Variants in IFT43 observed in about 807,000 individuals in gnomAD.
IFT43 encodes the protein intraflagellar transport protein 43 homolog.
In IFT43, 33 loss-of-function variants were observed where a neutral mutation model predicts 32.3. The ratio of observed to expected loss-of-function variants is 1.02; its 90% CI spans 0.77 to 1.37. The LOEUF (loss-of-function observed/expected upper bound fraction) is 1.37, where lower values mean the gene tolerates loss of function less well. Among genes scored for constraint, IFT43 ranks in the 40% most tolerant of loss-of-function variants. The pLI, the probability that IFT43 is intolerant of heterozygous loss-of-function variation, is 0.00. For missense variants in IFT43, 274 were observed against 265.9 expected (o/e 1.03, Z -0.21); for synonymous variants, 93 against 98.2 (o/e 0.95, Z 0.31).
At chr14:76,068,989 A>G (rs115841572) in intron 5 of IFT43, among the ~76,000 whole-genome samples, 1,530 of 152,332 alleles carry the variant, frequency 0.01, 25 homozygotes, top group African/African-American at 0.034. Flanking sequence ...ACTGCGACTG[A>G]GTCCCCTGAA....
intron 3 of IFT43, among the ~76,000 whole-genome samples, chr14:76,046,620 C>A (rs1395911668): frequency 1.3e-5 from 2 of 152,170 alleles, no homozygotes; most frequent in Admixed American, 6.5e-5. Context: ...ATGGTGGTAG[C>A]AACAGCCACT....
rs2139973446 is a variant in IFT43 at position 76,027,761 on chromosome 14, C to T, written c.215+5367C>T. Among the ~76,000 whole-genome samples the T allele has an allele frequency of 2.0e-5, 3 of 151,328 alleles. No homozygotes were observed. The South Asian group carries it at 6.3e-4, about 32-fold the overall frequency. ...TTCTCTACAGTATCACAGTATCACT[C>T]AGTCACTCATACCTAAGACATTTCA... On this transcript the variant is annotated intron_variant, in intron 3 of 8. Transcript: ENST00000314067.
At chr14:75,992,241 A>G (rs544497705) in intron 2 of IFT43, among the ~76,000 whole-genome samples, 1 of 152,338 alleles carries the variant, frequency 6.6e-6, no homozygotes, top group East Asian at 1.9e-4. Context: ...TAAGTCCACC[A>G]ATCTCTCTAA....
chr14:76,078,121 G>A (rs1199174845), intron 5 of IFT43, among the ~76,000 whole-genome samples: 1 of 152,194 alleles, frequency 6.6e-6, no homozygotes, highest in Non-Finnish European at 1.5e-5. Context: ...GATCCCATCT[G>A]TGAGCATTTT....
intron 3 of IFT43, among the ~76,000 whole-genome samples, chr14:76,057,553 CA>C (rs66748105): frequency 0.84 from 123,209 of 146,384 alleles, 51,581 homozygotes; most frequent in African/African-American, 0.87. Flanking sequence ...TTTTAATTGA[CA>C]AAAAAAAAAA....
Position 76,054,058 on chromosome 14 carries a change from C to T in IFT43, c.216-4584C>T, listed in dbSNP as rs2036964448. On this transcript the variant is annotated intron_variant, in intron 3 of 8. Transcript: ENST00000314067. ...TCAGGAGGAGAAGGCAAATAAGTTT[C>T]AGTTTTGCTGCTTAGCAACTGGAGT... 3.3e-5 allele frequency among the ~76,000 whole-genome samples: 5 copies of T among 152,194 alleles called. No homozygotes were observed. The South Asian group carries it at 1.0e-3, about 32-fold the overall frequency.
At chr14:76,045,898 C>T (rs1409662423) in intron 3 of IFT43, among the ~76,000 whole-genome samples, 2 of 152,144 alleles carry the variant, frequency 1.3e-5, no homozygotes, top group Admixed American at 1.3e-4. Flanking sequence ...GTATTTGAAT[C>T]AAGATGGGAG....
At chr14:76,058,811 T>G (rs781101864) in intron 4 of IFT43, 137 bp downstream of exon 4, 2 of 1,574,200 alleles carry the variant, frequency 1.3e-6, no homozygotes, top group South Asian at 2.3e-5. Flanking sequence ...TGATGCCTGC[T>G]GAATCCAAGG....
At chr14:76,022,255 A>G in intron 2 of IFT43, 72 bp from the exon 3 acceptor site, 1 of 1,396,452 alleles carries the variant, frequency 7.2e-7, no homozygotes, top group Non-Finnish European at 1.0e-6. Context: ...CATCTCAAAA[A>G]ATAGAAAATA....
chr14:76,037,887 T>C (rs1329015143), intron 3 of IFT43, among the ~76,000 whole-genome samples: 1 of 152,222 alleles, frequency 6.6e-6, no homozygotes, highest in Non-Finnish European at 1.5e-5. Context: ...GGGGCATTTC[T>C]TACAGAGCTC....
intron 2 of IFT43, among the ~76,000 whole-genome samples, chr14:76,005,681 G>T (rs2035967908): frequency 6.6e-6 from 1 of 152,214 alleles, no homozygotes; most frequent in African/African-American, 2.4e-5. Flanking sequence ...TAAAATTGCA[G>T]CTTTCTGCTG....
At chr14:76,003,586 C>T (rs755124492) in intron 2 of IFT43, among the ~76,000 whole-genome samples, 4 of 150,986 alleles carry the variant, frequency 2.6e-5, no homozygotes, top group Non-Finnish European at 5.9e-5. Flanking sequence ...GAGCCAAGAT[C>T]GTGCCACTGC....
chr14:76,046,297 G>C (rs188776179), intron 3 of IFT43, among the ~76,000 whole-genome samples: 1 of 152,226 alleles, frequency 6.6e-6, no homozygotes, highest in East Asian at 1.9e-4. Flanking sequence ...CTTTGTGAGC[G>C]GGATAAAATG....
Position 75,985,805 on chromosome 14 carries a change from T to G in IFT43, c.19T>G (p.Leu7Val). The G allele has an allele frequency of 6.2e-7, 1 of 1,614,200 alleles. No individual in the cohort carries two copies. Among genetic ancestry groups the G allele is most frequent in the Non-Finnish European group, 8.5e-7 (1 of 1,180,034 alleles). Residue 7 changes from leucine (L) to valine (V), a missense_variant, in exon 1 of 9, where the codon TTG becomes GTG. Leu to Val is a conservative substitution (Grantham distance 32). Coordinates refer to ENST00000314067, the MANE Select transcript of IFT43 (RefSeq NM_001102564.3). ...CGCGGAGATGGAGGATTTGCTCGACTTGGACGAGGAGCTTCGCTACAGCTT... is the reference window on the plus strand; with the variant it reads ...CGCGGAGATGGAGGATTTGCTCGACGTGGACGAGGAGCTTCGCTACAGCTT... MEDLLD[L>V]DEELRYSLAT...
intron 3 of IFT43, among the ~76,000 whole-genome samples, chr14:76,053,277 G>T (rs1484131660): frequency 2.0e-5 from 3 of 152,092 alleles, no homozygotes; most frequent in Admixed American, 6.6e-5. Context: ...CAGGTTTGTG[G>T]GGGAAGGGAC....
intron 2 of IFT43, among the ~76,000 whole-genome samples, chr14:76,017,342 A>C (rs571467259): frequency 6.6e-6 from 1 of 152,200 alleles, no homozygotes; most frequent in African/African-American, 2.4e-5. Flanking sequence ...TTGGTGTTAT[A>C]TATCAGATTT....
intron 2 of IFT43, among the ~76,000 whole-genome samples, chr14:76,011,357 T>C (rs1320375869): frequency 1.3e-5 from 2 of 152,214 alleles, no homozygotes; most frequent in Admixed American, 1.3e-4. Context: ...AAACTGGAAA[T>C]CAAATTGGAA....
chr14:76,028,052 A>G (rs2036437652), intron 3 of IFT43, among the ~76,000 whole-genome samples: 2 of 152,088 alleles, frequency 1.3e-5, no homozygotes, highest in Non-Finnish European at 2.9e-5. Context: ...GATAAGATTC[A>G]AGTTAAAGGT....
At chr14:76,021,136 T>C (rs1357196916) in intron 2 of IFT43, among the ~76,000 whole-genome samples, 2 of 151,710 alleles carry the variant, frequency 1.3e-5, no homozygotes, top group Non-Finnish European at 2.9e-5. Context: ...CTGGCAGTGG[T>C]GGTGGTGGGT....
Sources: gnomAD v4.1 joint callset for allele counts (sites outside exome capture counted in the v4.1 genomes callset) on GRCh38, gnomAD v4.1.1 for gene constraint, MANE v1.5 for transcripts, NCBI Gene and HGNC (gene_info 2026-07-23, HGNC 2026-07-21) for gene names.